TNNI3K: variants seen among roughly 807,000 people sequenced by gnomAD.
TNNI3K encodes the protein TNNI3 interacting kinase.
A neutral mutation model predicts 114.5 loss-of-function variants in TNNI3K; 140 were observed. That is an observed-to-expected ratio of 1.22 (90% CI 1.07 to 1.41). TNNI3K has a LOEUF of 1.41. Ranked by LOEUF, TNNI3K falls within the 40% of genes most tolerant of loss-of-function variation. The probability of loss-of-function intolerance (pLI) is 0.00; values close to 1 mark genes in which losing one functional copy is unlikely to be tolerated. For missense variants in TNNI3K, 1,125 were observed against 1,007.6 expected (o/e 1.12, Z -1.58); for synonymous variants, 347 against 347.5 (o/e 1.00, Z 0.02).
intron 5 of TNNI3K, among the ~76,000 whole-genome samples, chr1:74,300,119 T>G (rs1033865044): frequency 1.3e-5 from 2 of 152,142 alleles, no homozygotes; most frequent in Non-Finnish European, 2.9e-5. Context: ...TAAATGGCAT[T>G]TGTCATAATT....
intron 17 of TNNI3K, among the ~76,000 whole-genome samples, chr1:74,414,197 A>G (rs965750395): frequency 1.3e-5 from 2 of 152,190 alleles, no homozygotes; most frequent in African/African-American, 4.8e-5. Context: ...ATATATAACA[A>G]TCTATGCTGG....
chr1:74,465,208 G>A (rs1202482711), intron 21 of TNNI3K, among the ~76,000 whole-genome samples: 2 of 152,180 alleles, frequency 1.3e-5, no homozygotes, highest in Non-Finnish European at 2.9e-5. Flanking sequence ...GCCCCCAGCT[G>A]CACCGTGGGA....
chr1:74,415,902 C>T (rs184342356), intron 17 of TNNI3K, among the ~76,000 whole-genome samples: 1 of 152,220 alleles, frequency 6.6e-6, no homozygotes, highest in Non-Finnish European at 1.5e-5. Context: ...TACTGGTATG[C>T]AGACATTCTG....
intron 5 of TNNI3K, among the ~76,000 whole-genome samples, chr1:74,286,899 A>C (rs1002753031): frequency 6.6e-6 from 1 of 152,164 alleles, no homozygotes; most frequent in Non-Finnish European, 1.5e-5. Flanking sequence ...AAGGAAATGA[A>C]GATTTCTGAA....
intron 5 of TNNI3K, among the ~76,000 whole-genome samples, chr1:74,320,522 T>A (rs866162949): frequency 3.3e-5 from 5 of 152,188 alleles, no homozygotes; most frequent in Middle Eastern, 6.3e-3. Flanking sequence ...AATAGTCAGT[T>A]TTCTGGTTTT....
chr1:74,376,248 A>C (rs1662898201), intron 17 of TNNI3K, among the ~76,000 whole-genome samples: 1 of 152,034 alleles, frequency 6.6e-6, no homozygotes, highest in Admixed American at 6.6e-5. Context: ...CTCTCAGTTG[A>C]ATGCAAAATA....
At chr1:74,285,972 C>T (rs1657307838) in intron 5 of TNNI3K, among the ~76,000 whole-genome samples, 1 of 152,122 alleles carries the variant, frequency 6.6e-6, no homozygotes, top group Non-Finnish European at 1.5e-5. Context: ...CTTGTCATCT[C>T]ACAGAAATAT....
intron 21 of TNNI3K, chr1:74,464,815 G>A (rs1667600251): frequency 2.0e-6 from 3 of 1,489,612 alleles, no homozygotes; most frequent in Non-Finnish European, 2.7e-6. Context: ...CTACCAAAAT[G>A]TTAGCTCCAT....
Position 74,367,264 on chromosome 1 carries a change from G to T in TNNI3K, c.1186G>T (p.Ala396Ser), listed in dbSNP as rs1178003046. ...LMWAYEKGHD[A>S]IVTLLKHYKR... ...TGTATCTTTTCATAAAGGGCATGATGCCATTGTCACACTCCTGAAGCATTA... is the reference window on the plus strand; with the variant it reads ...TGTATCTTTTCATAAAGGGCATGATTCCATTGTCACACTCCTGAAGCATTA... The change falls in exon 12 of 25, where the codon GCC becomes TCC. Residue 396 changes from alanine (A) to serine (S), a missense_variant. Physicochemically the swap from Ala to Ser is moderately conservative, Grantham distance 99 (BLOSUM62 1). Transcript: ENST00000326637. The T allele has an allele frequency of 6.2e-7, 1 of 1,611,916 alleles. No individual in the cohort carries two copies. Among genetic ancestry groups the T allele is most frequent in the Admixed American group, 1.7e-5 (1 of 59,858 alleles).
At chr1:74,394,912 C>T (rs999885766) in intron 17 of TNNI3K, among the ~76,000 whole-genome samples, 6 of 151,858 alleles carry the variant, frequency 4.0e-5, no homozygotes, top group South Asian at 2.1e-4. Context: ...GGCATGGTGG[C>T]GGGCACCTGT....
chr1:74,476,410 C>T (rs991962644), intron 21 of TNNI3K, among the ~76,000 whole-genome samples: 1 of 151,976 alleles, frequency 6.6e-6, no homozygotes, highest in Non-Finnish European at 1.5e-5. Context: ...GTTTTTTCAC[C>T]CTTATGAGGT....
intron 17 of TNNI3K, among the ~76,000 whole-genome samples, chr1:74,414,093 G>A (rs1048717896): frequency 6.6e-6 from 1 of 152,050 alleles, no homozygotes; most frequent in Admixed American, 6.6e-5. Flanking sequence ...ATTTTATAAC[G>A]GAGCTATTGT....
At chr1:74,534,118 G>A (rs1323821086) in intron 23 of TNNI3K, among the ~76,000 whole-genome samples, 1 of 152,110 alleles carries the variant, frequency 6.6e-6, no homozygotes, top group Non-Finnish European at 1.5e-5. Context: ...AAGCTATAAA[G>A]CCTTCTGCAA....
chr1:74,409,126 C>T (rs1050556322), intron 17 of TNNI3K, among the ~76,000 whole-genome samples: 2 of 152,092 alleles, frequency 1.3e-5, no homozygotes, highest in Non-Finnish European at 2.9e-5. Flanking sequence ...CTCAACATCC[C>T]TATAAGATAG....
At chr1:74,278,482 TC>T (rs1439977537) in intron 5 of TNNI3K, among the ~76,000 whole-genome samples, 11 of 152,296 alleles carry the variant, frequency 7.2e-5, no homozygotes, top group African/African-American at 2.2e-4. Flanking sequence ...TATCTGCAGA[TC>T]TGAACCCCCT....
At chr1:74,494,267 G>A (rs1669221797) in intron 23 of TNNI3K, among the ~76,000 whole-genome samples, 1 of 152,180 alleles carries the variant, frequency 6.6e-6, no homozygotes, top group Admixed American at 6.5e-5. Context: ...GAGTTAGCAA[G>A]GGTTTCTATA....
At chr1:74,359,659 G>A (rs921570125) in intron 11 of TNNI3K, among the ~76,000 whole-genome samples, 6 of 151,992 alleles carry the variant, frequency 3.9e-5, no homozygotes, top group Non-Finnish European at 8.8e-5. Flanking sequence ...TCTAATGTGC[G>A]TAGTTGCATG....
intron 23 of TNNI3K, among the ~76,000 whole-genome samples, chr1:74,526,323 C>G (rs1231966290): frequency 6.6e-6 from 1 of 152,044 alleles, no homozygotes; most frequent in Admixed American, 6.6e-5. Flanking sequence ...CTGTGGGCTC[C>G]AATCTAGTTG....
intron 7 of TNNI3K, among the ~76,000 whole-genome samples, chr1:74,339,735 T>A (rs983348998): frequency 6.6e-6 from 1 of 151,718 alleles, no homozygotes; most frequent in Non-Finnish European, 1.5e-5. Context: ...TCTCTTAGGG[T>A]AATGAAAAAG....
Sources: gnomAD v4.1 joint callset for allele counts (sites outside exome capture counted in the v4.1 genomes callset) on GRCh38, gnomAD v4.1.1 for gene constraint, MANE v1.5 for transcripts, NCBI Gene and HGNC (gene_info 2026-07-23, HGNC 2026-07-21) for gene names.